CSTPP1: variants seen among roughly 807,000 people sequenced by gnomAD.
CSTPP1 encodes centriolar satellite-associated tubulin polyglutamylase complex regulator 1.
the CSTPP1 span, among the ~76,000 whole-genome samples, chr11:47,012,803 C>T: frequency 1.3e-5 from 2 of 151,844 alleles, no homozygotes; most frequent in Non-Finnish European, 2.9e-5. Context: ...GGAACTGAGT[C>T]TTCTTTTCTT....
At chr11:47,040,592 C>T in the CSTPP1 span, among the ~76,000 whole-genome samples, 8 of 126,716 alleles carry the variant, frequency 6.3e-5, 1 homozygote, top group African/African-American at 2.0e-4. Context: ...AGGAGAACTG[C>T]TACCACTTAT....
At chr11:47,017,246 C>A in the CSTPP1 span, among the ~76,000 whole-genome samples, 1 of 146,306 alleles carries the variant, frequency 6.8e-6, no homozygotes, top group Non-Finnish European at 1.5e-5. Flanking sequence ...GCAATCTTGG[C>A]TCACTGCAAC....
At chr11:46,937,729 G>A in the CSTPP1 span, among the ~76,000 whole-genome samples, 1 of 152,064 alleles carries the variant, frequency 6.6e-6, no homozygotes, top group Non-Finnish European at 1.5e-5. Context: ...AATAGAGACG[G>A]GGTTTCACCG....
chr11:46,947,033 T>A, the CSTPP1 span, among the ~76,000 whole-genome samples: 8 of 152,378 alleles, frequency 5.3e-5, no homozygotes, highest in East Asian at 1.3e-3. Flanking sequence ...AAAAGGATGA[T>A]TAAATCTGCT....
At chr11:47,156,914 G>A in the CSTPP1 span, 1 of 1,143,122 alleles carries the variant, frequency 8.7e-7, no homozygotes, top group Admixed American at 2.4e-5. Flanking sequence ...TGAGCACTGA[G>A]GCTGGTGTGG....
At chr11:46,936,757 G>A in the CSTPP1 span, 1 of 1,605,590 alleles carries the variant, frequency 6.2e-7, no homozygotes, top group Non-Finnish European at 8.5e-7. Flanking sequence ...CGGCAACCTG[G>A]GTTCCGGAAG....
At chr11:47,032,990 GA>G in the CSTPP1 span, among the ~76,000 whole-genome samples, 1 of 151,926 alleles carries the variant, frequency 6.6e-6, no homozygotes, top group Admixed American at 6.5e-5. Context: ...GTAAGCTAGA[GA>G]AAAGAAAATG....
the CSTPP1 span, among the ~76,000 whole-genome samples, chr11:46,965,137 A>G: frequency 1.1e-4 from 16 of 152,138 alleles, no homozygotes; most frequent in Admixed American, 3.3e-4. Flanking sequence ...AAATGTTACT[A>G]TATTTGAATT....
At chr11:46,959,788 T>G in the CSTPP1 span, among the ~76,000 whole-genome samples, 1 of 152,164 alleles carries the variant, frequency 6.6e-6, no homozygotes, top group Admixed American at 6.6e-5. Context: ...CCATCTTAAC[T>G]TCAACTCTAT....
At chr11:47,016,007 T>A in the CSTPP1 span, among the ~76,000 whole-genome samples, 1 of 152,108 alleles carries the variant, frequency 6.6e-6, no homozygotes, top group Non-Finnish European at 1.5e-5. Flanking sequence ...ATCCCAGCAC[T>A]TTGGGAGGCT....
At chr11:46,981,173 C>T in the CSTPP1 span, among the ~76,000 whole-genome samples, 3 of 151,352 alleles carry the variant, frequency 2.0e-5, no homozygotes, top group Non-Finnish European at 2.9e-5. Flanking sequence ...AAATGTTTAT[C>T]AGTAGGGAAA....
chr11:47,097,107 T>G, the CSTPP1 span, among the ~76,000 whole-genome samples: 1 of 119,364 alleles, frequency 8.4e-6, no homozygotes. Context: ...GGTAGGGGGG[T>G]CAGCCCCCCG....
At chr11:47,021,105 C>T in the CSTPP1 span, among the ~76,000 whole-genome samples, 1 of 152,270 alleles carries the variant, frequency 6.6e-6, no homozygotes, top group East Asian at 1.9e-4. Context: ...TTGCTTATTG[C>T]GGTCATTGTT....
chr11:47,095,937 T>G, the CSTPP1 span, among the ~76,000 whole-genome samples: 1 of 152,130 alleles, frequency 6.6e-6, no homozygotes, highest in African/African-American at 2.4e-5. Flanking sequence ...TGACCCTTGG[T>G]TAAGCTAAAA....
the CSTPP1 span, among the ~76,000 whole-genome samples, chr11:46,944,030 A>T: frequency 4.0e-5 from 6 of 150,502 alleles, no homozygotes; most frequent in South Asian, 4.2e-4. Flanking sequence ...CAAAAAATTT[A>T]AAAAAGGCCA....
the CSTPP1 span, among the ~76,000 whole-genome samples, chr11:47,105,139 A>G: frequency 1.3e-5 from 2 of 152,160 alleles, no homozygotes; most frequent in African/African-American, 4.8e-5. Context: ...CTCCCATTTC[A>G]TGTAGCTCAT....
chr11:47,159,602 C>T, the CSTPP1 span: 8 of 456,046 alleles, frequency 1.8e-5, no homozygotes, highest in East Asian at 2.1e-4. Flanking sequence ...TCATACTCCT[C>T]GTTATGACCA....
the CSTPP1 span, among the ~76,000 whole-genome samples, chr11:47,029,615 C>CAA: frequency 2.1e-3 from 269 of 129,654 alleles, 2 homozygotes; most frequent in African/African-American, 7.2e-3. Context: ...GACTCTATCT[C>CAA]AAAAAAAAAA....
chr11:47,082,149 CAA>C, the CSTPP1 span, among the ~76,000 whole-genome samples: 14 of 83,246 alleles, frequency 1.7e-4, no homozygotes, highest in Non-Finnish European at 2.9e-4. Context: ...GACCCTGTCT[CAA>C]AAAAAAAAAA....
Sources: gnomAD v4.1 joint callset for allele counts (sites outside exome capture counted in the v4.1 genomes callset) on GRCh38, gnomAD v4.1.1 for gene constraint, MANE v1.5 for transcripts, NCBI Gene and HGNC (gene_info 2026-07-23, HGNC 2026-07-21) for gene names.